TFB2M: variants seen among roughly 807,000 people sequenced by gnomAD.
The protein encoded by TFB2M is transcription factor B2, mitochondrial.
Under a neutral mutation model 41.3 loss-of-function variants are expected in TFB2M, and 44 were observed. The observed-to-expected ratio is 1.07, with a 90% CI of 0.84 to 1.37. TFB2M has a LOEUF of 1.37. Ranked by LOEUF, TFB2M falls within the 40% of genes most tolerant of loss-of-function variation. TFB2M has a pLI of 0.00. For missense variants in TFB2M, 496 were observed against 490.2 expected (o/e 1.01, Z -0.11); for synonymous variants, 188 against 176.8 (o/e 1.06, Z -0.50).
chr1:246,544,796 T>C lies in TFB2M; in HGVS notation c.859-115A>G, dbSNP rs1363948672. 20 of 839,156 alleles carry C rather than the reference T, an allele frequency of 2.4e-5. No homozygotes were observed. The East Asian group carries it at 5.8e-4, about 24-fold the overall frequency. 52.0% of individuals were successfully genotyped at this position (839,156 alleles called of 1,614,324 possible). A position where few individuals can be genotyped will look rare whatever the true frequency, so the allele number is the denominator to read the frequency against. Reference sequence around the variant, plus strand: ...AGACACAATCACCACAGGCCCTGAGTGTCTTCACATTCTCTTTTTCTTTCT... The same window carrying C: ...AGACACAATCACCACAGGCCCTGAGCGTCTTCACATTCTCTTTTTCTTTCT... On this transcript the variant is annotated intron_variant, in intron 6 of 7. Transcript: ENST00000366514.
rs985278068 is a variant in TFB2M at position 246,541,267 on chromosome 1, C to T, written c.1020-65G>A. 2.7e-6 allele frequency: 4 copies of T among 1,481,244 alleles called. No homozygotes were observed. The African/African-American group carries it at 5.6e-5, about 21-fold the overall frequency. 91.8% of individuals were successfully genotyped at this position (1,481,244 alleles called of 1,614,324 possible). On this transcript the variant is annotated intron_variant, in intron 7 of 7. Coordinates refer to ENST00000366514, the MANE Select transcript of TFB2M (RefSeq NM_022366.3). ...TCATGCATCTATCAGTTCACGGTGA[C>T]AGAAATGGCTTCTAAGTTGAATTCA...
intron 6 of TFB2M, among the ~76,000 whole-genome samples, chr1:246,545,067 A>C (rs1264397833): frequency 6.6e-6 from 1 of 151,628 alleles, no homozygotes; most frequent in Non-Finnish European, 1.5e-5. Context: ...GGCCTCCCCA[A>C]AGTGCTGGGA....
Position 246,541,094 on chromosome 1 carries a change from A to G in TFB2M, c.1128T>C (p.Thr376=). The change falls in exon 8 of 8, where the codon ACT becomes ACC. Residue 376 remains threonine (T), a synonymous_variant. Transcript: ENST00000366514. ...AAGCACAATCTTTGGAACGCTCTAT[A>G]GTTTCAAAAAGTGTTTTGAAGTCTT... The part of the protein sequence containing the change: ...HPQDFKTLFE[T]IERSKDCAYK... 1 of 1,614,178 alleles carries G rather than the reference A, an allele frequency of 6.2e-7. No homozygotes were observed. The highest frequency in any genetic ancestry group is 8.5e-7 in the Non-Finnish European group (1 of 1,180,014).
At position 246,560,028 on chromosome 1, in the gene TFB2M, G is replaced by A. The variant is rs1338173986; in HGVS notation, c.403-2494C>T. On this transcript the variant is annotated intron_variant, in intron 2 of 7. Transcript: ENST00000366514. ...CTGAGGGCCGCATACAGCCCAGGAC[G>A]GCTTTGAATGTGGCCCAACACACAT... Among the ~76,000 whole-genome samples the A allele has an allele frequency of 5.3e-5, 8 of 152,178 alleles. No homozygotes were observed. In the South Asian group the frequency reaches 1.0e-3, roughly 20 times the overall value.
intron 2 of TFB2M, among the ~76,000 whole-genome samples, chr1:246,558,316 T>A (rs1659376625): frequency 6.6e-6 from 1 of 152,016 alleles, no homozygotes; most frequent in African/African-American, 2.4e-5. Flanking sequence ...CCCACCAATT[T>A]TTGGATTTTT....
At chr1:246,553,462 A>ACCTG (rs1659239360) in intron 4 of TFB2M, among the ~76,000 whole-genome samples, 1 of 152,164 alleles carries the variant, frequency 6.6e-6, no homozygotes, top group Non-Finnish European at 1.5e-5. Context: ...TTGAACCCAG[A>ACCTG]AGTTCAAGAC....
At chr1:246,559,915 TG>T (rs1378468872) in intron 2 of TFB2M, among the ~76,000 whole-genome samples, 1 of 152,114 alleles carries the variant, frequency 6.6e-6, no homozygotes, top group African/African-American at 2.4e-5. Flanking sequence ...CAGAAGAGTG[TG>T]GTGTCATGGA....
At position 246,551,243 on chromosome 1, in the gene TFB2M, T is replaced by C. The variant is rs374336324; in HGVS notation, c.765A>G (p.Gln255=). 13 of 1,613,928 alleles carry C rather than the reference T, an allele frequency of 8.1e-6. No individual in the cohort carries two copies. The highest frequency in any genetic ancestry group is 3.3e-5 in the South Asian group (3 of 91,074). ...DLYHVLSVIW[Q]LACEIKVLHM... is the part of the protein sequence containing the mutation. ...GCAGAACCTTAATCTCACAAGCTAA[T>C]TGCCAGATAACACTTAATACATGAT... Residue 255 remains glutamine (Q), a synonymous_variant, in exon 5 of 8, where the codon CAA becomes CAG. Transcript: ENST00000366514.
chr1:246,551,852 A>G (rs891443453), intron 4 of TFB2M, among the ~76,000 whole-genome samples: 7 of 152,242 alleles, frequency 4.6e-5, no homozygotes, highest in Admixed American at 4.6e-4. Context: ...AATCTAACAC[A>G]GCACTTCCTA....
intron 2 of TFB2M, among the ~76,000 whole-genome samples, chr1:246,562,713 G>A (rs1269277803): frequency 6.6e-6 from 1 of 151,700 alleles, no homozygotes; most frequent in Non-Finnish European, 1.5e-5. Context: ...AGGCTGCAGT[G>A]CAGTGGTGTG....
chr1:246,555,467 G>A (rs925477047), intron 4 of TFB2M, among the ~76,000 whole-genome samples: 6 of 152,076 alleles, frequency 3.9e-5, no homozygotes, highest in Admixed American at 3.3e-4. Flanking sequence ...TCCCAGCTTG[G>A]GGGCTGAGGC....
chr1:246,542,180 T>C (rs1469885405), intron 7 of TFB2M, among the ~76,000 whole-genome samples: 1 of 151,842 alleles, frequency 6.6e-6, no homozygotes, highest in African/African-American at 2.4e-5. Context: ...ACCACTATTG[T>C]ACATTTGGTC....
chr1:246,551,357 A>G, intron 4 of TFB2M, 55 bp from the exon 5 acceptor site: 2 of 1,178,256 alleles, frequency 1.7e-6, no homozygotes, highest in South Asian at 1.2e-5. Context: ...TCAATTAAAA[A>G]CAAATGCTGA....
intron 7 of TFB2M, among the ~76,000 whole-genome samples, chr1:246,541,975 A>G (rs3129567): frequency 0.24 from 36,719 of 152,106 alleles, 4,878 homozygotes; most frequent in Middle Eastern, 0.44. Context: ...TTGCTTGAAC[A>G]TCTTACAGAG....
At chr1:246,546,983 A>ACACACACACACACACACACACTT (rs764498048) in intron 6 of TFB2M, among the ~76,000 whole-genome samples, 3 of 127,180 alleles carry the variant, frequency 2.4e-5, no homozygotes, top group African/African-American at 8.9e-5. Context: ...ACACACACAC[A>ACACACACACACACACACACACTT]TTTTTTTTTT....
At chr1:246,549,351 G>A (rs1659108965) in intron 5 of TFB2M, among the ~76,000 whole-genome samples, 1 of 152,186 alleles carries the variant, frequency 6.6e-6, no homozygotes, top group Non-Finnish European at 1.5e-5. Context: ...GGAGGCTGAG[G>A]GAGGAGGACC....
intron 4 of TFB2M, among the ~76,000 whole-genome samples, chr1:246,553,174 T>C (rs1421349230): frequency 2.0e-5 from 3 of 152,102 alleles, no homozygotes; most frequent in Admixed American, 6.5e-5. Context: ...TGAGCCGGGA[T>C]TGCGCCACTG....
intron 5 of TFB2M, among the ~76,000 whole-genome samples, chr1:246,549,639 C>G (rs12401464): frequency 0.27 from 41,353 of 151,938 alleles, 6,322 homozygotes; most frequent in East Asian, 0.66. Flanking sequence ...ACTATACATA[C>G]CCATAACCAT....
chr1:246,564,603 T>C (rs531117244), intron 1 of TFB2M, among the ~76,000 whole-genome samples, 169 bp from the exon 2 acceptor site: 89 of 152,316 alleles, frequency 5.8e-4, no homozygotes, highest in African/African-American at 2.0e-3. Context: ...GGAGATTATA[T>C]ATACTTATTT....
Sources: allele counts gnomAD v4.1 joint callset (sites outside exome capture counted in the v4.1 genomes callset), GRCh38; gene constraint gnomAD v4.1.1; transcripts MANE v1.5; gene names NCBI Gene and HGNC (gene_info 2026-07-23, HGNC 2026-07-21).